WDR35: variants seen among roughly 807,000 people sequenced by gnomAD.
WDR35 encodes the protein WD repeat-containing protein 35.
In WDR35, 118 loss-of-function variants were observed where a neutral mutation model predicts 158.3. The observed-to-expected ratio is 0.75, with a 90% CI of 0.64 to 0.87. WDR35 has a LOEUF of 0.87. WDR35 is among the 40% of genes least tolerant of loss of function. The pLI is 0.00. For synonymous variants in WDR35, 448 were observed against 476.1 expected, an observed-to-expected ratio of 0.94 and a Z score of 0.77; for missense variants, 1,263 against 1,405.8, an observed-to-expected ratio of 0.90 and a Z score of 1.62.
At chr2:19,942,326 T>G (rs1670906557) in intron 16 of WDR35, among the ~76,000 whole-genome samples, 1 of 152,170 alleles carries the variant, frequency 6.6e-6, no homozygotes, top group East Asian at 1.9e-4. Context: ...AGAAATCCCA[T>G]ACCACACTGA....
chr2:19,957,402 A>G (rs948761692), intron 11 of WDR35, among the ~76,000 whole-genome samples: 7 of 152,176 alleles, frequency 4.6e-5, no homozygotes, highest in African/African-American at 1.7e-4. Flanking sequence ...GATTCATCCC[A>G]TCTAGACTAA....
At chr2:19,986,650 GGA>G (rs775091913) in intron 2 of WDR35, among the ~76,000 whole-genome samples, 22 of 152,284 alleles carry the variant, frequency 1.4e-4, no homozygotes, top group African/African-American at 4.8e-4. Flanking sequence ...GATATTGAAA[GGA>G]GAGAGAGAGG....
intron 10 of WDR35, among the ~76,000 whole-genome samples, chr2:19,962,796 T>TA (rs1334583818): frequency 1.3e-5 from 2 of 152,278 alleles, no homozygotes; most frequent in East Asian, 3.8e-4. Context: ...AATCATATTT[T>TA]AAAAAATCAT....
At chr2:19,966,607 C>A in intron 10 of WDR35, 117 bp downstream of exon 10, 1 of 1,211,622 alleles carries the variant, frequency 8.3e-7, no homozygotes, top group Non-Finnish European at 1.2e-6. Flanking sequence ...ACCAATAGTG[C>A]CAACAGACCC....
intron 15 of WDR35, 98 bp from the exon 16 acceptor site, chr2:19,946,094 T>C: frequency 7.7e-7 from 1 of 1,304,946 alleles, no homozygotes; most frequent in East Asian, 2.4e-5. Context: ...CAAAATCAGA[T>C]TATCAGAAAC....
chr2:19,951,818 A>G (rs1671245082), intron 12 of WDR35: 1 of 182,368 alleles, frequency 5.5e-6, no homozygotes, highest in Non-Finnish European at 1.1e-5. Context: ...CATCTAATTC[A>G]CTAACTTTCT....
chr2:19,931,167 T>G, intron 24 of WDR35, 102 bp downstream of exon 24: 1 of 1,328,378 alleles, frequency 7.5e-7, no homozygotes, highest in Non-Finnish European at 1.0e-6. Context: ...AATGCAGACA[T>G]GCAAATTAAA....
chr2:19,987,148 T>C (rs1486196842), intron 2 of WDR35, among the ~76,000 whole-genome samples: 1 of 152,246 alleles, frequency 6.6e-6, no homozygotes, highest in Non-Finnish European at 1.5e-5. Context: ...GTACCCAAAC[T>C]ACAACACATT....
At chr2:19,967,035 CA>C (rs1671877125) in intron 9 of WDR35, 126 bp from the exon 10 acceptor site, 5 of 859,156 alleles carry the variant, frequency 5.8e-6, no homozygotes, top group Non-Finnish European at 7.4e-6. Flanking sequence ...TCACTGCTGA[CA>C]AAATATATTC....
intron 24 of WDR35, 74 bp from the exon 25 acceptor site, chr2:19,930,626 T>A (rs752352054): frequency 8.8e-5 from 140 of 1,597,120 alleles, no homozygotes; most frequent in Non-Finnish European, 1.2e-4. Flanking sequence ...ATAACAACAG[T>A]CATTAAAGTA....
intron 4 of WDR35, 45 bp downstream of exon 4, chr2:19,980,646 T>A (rs1294733107): frequency 6.5e-6 from 10 of 1,532,578 alleles, no homozygotes; most frequent in Non-Finnish European, 9.0e-6. Flanking sequence ...GTGATCCAGA[T>A]GCCAACTTGT....
intron 10 of WDR35, among the ~76,000 whole-genome samples, chr2:19,961,106 T>A (rs1671635139): frequency 6.6e-6 from 1 of 152,118 alleles, no homozygotes; most frequent in Admixed American, 6.5e-5. Context: ...CTGCTAAAAT[T>A]GAAGCAAGAA....
In WDR35 at chr2:19,971,152, T is replaced by C. The variant is rs74773548; in HGVS notation, c.883-1547A>G. The stretch of plus-strand genomic sequence containing the variant: ...GGCAATCGAACATTTTTAATCTATA[T>C]CTTTTATTTGACAGAATGATAGAAT... On this transcript the variant is annotated intron_variant, in intron 8 of 26. Transcript: ENST00000281405. 9.2e-5 allele frequency among the ~76,000 whole-genome samples: 14 copies of C among 152,352 alleles called. No individual in the cohort carries two copies. In the East Asian group the frequency reaches 2.3e-3, roughly 25 times the overall value.
chr2:19,922,087 G>A (rs946107238), intron 25 of WDR35, among the ~76,000 whole-genome samples: 3 of 152,200 alleles, frequency 2.0e-5, no homozygotes, highest in East Asian at 1.9e-4. Context: ...TAGAGAGGAC[G>A]TGGAGAAATA....
chr2:19,924,312 C>T (rs545066263), intron 25 of WDR35, among the ~76,000 whole-genome samples: 1 of 152,200 alleles, frequency 6.6e-6, no homozygotes, highest in South Asian at 2.1e-4. Flanking sequence ...TGCCTGTAAT[C>T]CCAGCACTTT....
At chr2:19,920,683 C>T (rs1572310311) in intron 25 of WDR35, among the ~76,000 whole-genome samples, 1 of 152,240 alleles carries the variant, frequency 6.6e-6, no homozygotes, top group Admixed American at 6.5e-5. Flanking sequence ...ACAAGGATGC[C>T]CTCTCCCACC....
chr2:19,943,569 T>C (rs1359544266), intron 16 of WDR35, among the ~76,000 whole-genome samples: 4 of 152,100 alleles, frequency 2.6e-5, no homozygotes, highest in Non-Finnish European at 5.9e-5. Flanking sequence ...TAAATATGTA[T>C]ATATAAGAGC....
intron 19 of WDR35, among the ~76,000 whole-genome samples, chr2:19,936,620 G>T (rs906313286): frequency 6.6e-6 from 1 of 152,162 alleles, no homozygotes; most frequent in Non-Finnish European, 1.5e-5. Flanking sequence ...AAGAGGTGGG[G>T]TTTCTGGGAA....
At chr2:19,985,264 T>C (rs1040222200) in intron 2 of WDR35, among the ~76,000 whole-genome samples, 1 of 151,720 alleles carries the variant, frequency 6.6e-6, no homozygotes, top group Non-Finnish European at 1.5e-5. Context: ...GCCACCTCAA[T>C]CCTAGTCAGG....
Sources: gnomAD v4.1 joint callset for allele counts (sites outside exome capture counted in the v4.1 genomes callset) on GRCh38, gnomAD v4.1.1 for gene constraint, MANE v1.5 for transcripts, NCBI Gene and HGNC (gene_info 2026-07-23, HGNC 2026-07-21) for gene names.